The following FAM81B variants were observed in gnomAD, a reference collection of about 807,000 sequenced individuals.
FAM81B encodes family with sequence similarity 81 member B.
A neutral mutation model predicts 58.7 loss-of-function variants in FAM81B; 60 were observed. The observed-to-expected ratio is 1.02, with a 90% confidence interval of 0.83 to 1.27. The LOEUF is 1.27. Ranked by LOEUF, FAM81B falls within the 50% of genes most tolerant of loss-of-function variation. The probability of loss-of-function intolerance (pLI) is 0.00; values close to 1 mark genes in which losing one functional copy is unlikely to be tolerated. For missense variants in FAM81B, 491 were observed against 522.0 expected, an observed-to-expected ratio of 0.94 and a Z score of 0.58; for synonymous variants, 189 against 179.6, an observed-to-expected ratio of 1.05 and a Z score of -0.42.
intron 6 of FAM81B, among the ~76,000 whole-genome samples, chr5:95,430,801 A>T (rs766965979): frequency 6.6e-6 from 1 of 151,982 alleles, no homozygotes; most frequent in East Asian, 1.9e-4. Flanking sequence ...CTTTCACCTC[A>T]TTGCACACCC....
At position 95,414,028 on chromosome 5, in the gene FAM81B, AG is replaced by A; in HGVS notation, c.376del (p.Ala126LeufsTer56). ...GACTGAACAACCAGGCGCGTACCAT[AG>A]CTTTCCTTCTTGAACAAGCCTTCCG... ...DRLNNQARTI[A>X]FLLEQAFRIK... On this transcript the variant is annotated frameshift_variant, in exon 4 of 10. Coordinates refer to ENST00000283357, the MANE Select transcript of FAM81B (RefSeq NM_152548.3). LOFTEE classifies it high-confidence loss of function. The A allele has an allele frequency of 1.7e-5, 28 of 1,614,110 alleles. No individual in the cohort carries two copies. Among genetic ancestry groups the A allele is most frequent in the Non-Finnish European group, 2.4e-5 (28 of 1,180,006 alleles).
chr5:95,414,075 C>T lies in FAM81B; in HGVS notation c.422C>T (p.Ala141Val). ...TTCCGCATCAAGGAGGACATCTCTGCTTGCCTGCAGGGGACCCATGGCTTT... is the reference window on the plus strand; with the variant it reads ...TTCCGCATCAAGGAGGACATCTCTGTTTGCCTGCAGGGGACCCATGGCTTT... ...QAFRIKEDIS[A>V]CLQGTHGFRK... The change falls in exon 4 of 10, where the codon GCT becomes GTT. Residue 141 changes from alanine (A) to valine (V), a missense_variant. Physicochemically the swap from Ala to Val is moderately conservative, Grantham distance 64. Transcript: ENST00000283357. 1.2e-6 allele frequency: 2 copies of T among 1,614,110 alleles called. No individual in the cohort carries two copies. The highest frequency in any genetic ancestry group is 8.5e-7 in the Non-Finnish European group (1 of 1,180,018).
chr5:95,429,893 G>A (rs995897362), intron 6 of FAM81B, among the ~76,000 whole-genome samples: 2 of 152,104 alleles, frequency 1.3e-5, no homozygotes, highest in Non-Finnish European at 1.5e-5. Flanking sequence ...GTTTTTATCA[G>A]GATGGAATAT....
intron 2 of FAM81B, among the ~76,000 whole-genome samples, chr5:95,393,888 T>C (rs1465019956): frequency 6.6e-6 from 1 of 152,172 alleles, no homozygotes; most frequent in East Asian, 1.9e-4. Flanking sequence ...AAAATTCCCA[T>C]AGTGGCCATC....
chr5:95,405,577 C>T (rs1356780694), intron 3 of FAM81B, among the ~76,000 whole-genome samples: 1 of 152,082 alleles, frequency 6.6e-6, no homozygotes, highest in Non-Finnish European at 1.5e-5. Context: ...TAATATTTCT[C>T]TTCTGTGGGA....
chr5:95,412,391 T>G (rs1466573934), intron 3 of FAM81B, among the ~76,000 whole-genome samples: 5 of 152,218 alleles, frequency 3.3e-5, no homozygotes, highest in African/African-American at 1.2e-4. Flanking sequence ...TGTGTCTTCT[T>G]ATCTTACTAT....
rs763467946 is a variant in FAM81B at position 95,428,637 on chromosome 5, A to G, written c.691A>G (p.Ile231Val). ...AAGCATTGTGAAGCTTTCTGGAGAC[A>G]TTCACTTATTCAGGCAAGAGCACCG... Reference protein sequence around the residue: ...DSSIVKLSGDIHLFRQEHRQI... With the variant: ...DSSIVKLSGDVHLFRQEHRQI... The change falls in exon 6 of 10, where the codon ATT becomes GTT. Residue 231 changes from isoleucine to valine, a missense_variant. Ile to Val is a conservative substitution (Grantham distance 29). Coordinates refer to ENST00000283357, the MANE Select transcript of FAM81B (RefSeq NM_152548.3). 1 of 1,614,002 alleles carries G rather than the reference A, an allele frequency of 6.2e-7. No homozygotes were observed. The highest frequency in any genetic ancestry group is 1.7e-5 in the Admixed American group (1 of 60,032).
chr5:95,410,844 T>G (rs1561296346), intron 3 of FAM81B: 4 of 152,140 alleles, frequency 2.6e-5, no homozygotes, highest in Admixed American at 6.5e-5. Flanking sequence ...AAGTTACAGG[T>G]GACCTAGAGC....
intron 3 of FAM81B, 119 bp from the exon 4 acceptor site, chr5:95,413,828 A>G (rs990667543): frequency 8.2e-6 from 12 of 1,470,274 alleles, no homozygotes; most frequent in African/African-American, 2.8e-5. Context: ...TTAAAATCCT[A>G]TCAAACTTCT....
intron 7 of FAM81B, among the ~76,000 whole-genome samples, chr5:95,445,637 A>G (rs565458245): frequency 5.9e-5 from 9 of 152,074 alleles, no homozygotes; most frequent in Admixed American, 1.3e-4. Flanking sequence ...CTGTACCTCT[A>G]TTACTTCTGC....
At chr5:95,447,574 G>C (rs1745628330) in intron 8 of FAM81B, among the ~76,000 whole-genome samples, 1 of 152,180 alleles carries the variant, frequency 6.6e-6, no homozygotes, top group Non-Finnish European at 1.5e-5. Flanking sequence ...TCATTGTGCA[G>C]GCAGAAACCT....
At chr5:95,435,964 C>A (rs994710265) in intron 6 of FAM81B, among the ~76,000 whole-genome samples, 55 of 152,132 alleles carry the variant, frequency 3.6e-4, no homozygotes, top group African/African-American at 1.3e-3. Flanking sequence ...CCGTTACTCC[C>A]CTCTTTCTTT....
At chr5:95,406,810 AT>A (rs1227655891) in intron 3 of FAM81B, among the ~76,000 whole-genome samples, 2 of 151,774 alleles carry the variant, frequency 1.3e-5, no homozygotes, top group African/African-American at 4.8e-5. Flanking sequence ...TCAGCCCGGG[AT>A]TTTTTTTAAC....
In FAM81B at chr5:95,405,073, T is replaced by C. The variant is rs561446436; in HGVS notation, c.294-8874T>C. 3.3e-5 allele frequency among the ~76,000 whole-genome samples: 5 copies of C among 152,260 alleles called. No homozygotes were observed. The East Asian group carries it at 5.8e-4, about 18-fold the overall frequency. On this transcript the variant is annotated intron_variant, in intron 3 of 9. Transcript: ENST00000283357. ...GCTGTATGGAGGATGTGCTATTTGTTAGGAGGAAAAGTGGAAAAGATAATG... is the reference window on the plus strand; with the variant it reads ...GCTGTATGGAGGATGTGCTATTTGTCAGGAGGAAAAGTGGAAAAGATAATG...
In FAM81B at chr5:95,450,167, ACT is replaced by A; in HGVS notation, c.1250_1251del (p.Leu417GlnfsTer17). 1 of 1,611,758 alleles carries A rather than the reference ACT, an allele frequency of 6.2e-7. No homozygotes were observed. Among genetic ancestry groups the A allele is most frequent in the Non-Finnish European group, 8.5e-7 (1 of 1,179,242 alleles). On this transcript the variant is annotated frameshift_variant, in exon 10 of 10. Transcript: ENST00000283357. LOFTEE classifies it high-confidence loss of function. ...CTTACAGGATTTAAATCAATTCATG[ACT>A]CTCTCAGCTCCCTCCAACAAATACA...
chr5:95,410,190 C>G (rs117815032), intron 3 of FAM81B, among the ~76,000 whole-genome samples: 11 of 152,044 alleles, frequency 7.2e-5, no homozygotes, highest in South Asian at 2.1e-4. Flanking sequence ...TCTTTTCTAT[C>G]GGGAATGGGG....
chr5:95,411,477 A>G (rs1011597010), intron 3 of FAM81B, among the ~76,000 whole-genome samples: 17 of 152,198 alleles, frequency 1.1e-4, no homozygotes, highest in African/African-American at 4.1e-4. Flanking sequence ...ATAAACATAC[A>G]GGTATACTAA....
chr5:95,425,283 C>A (rs185959038), intron 5 of FAM81B, among the ~76,000 whole-genome samples: 1 of 151,538 alleles, frequency 6.6e-6, no homozygotes, highest in Non-Finnish European at 1.5e-5. Context: ...GATATAAGAA[C>A]AATGAAACCA....
intron 3 of FAM81B, among the ~76,000 whole-genome samples, chr5:95,408,470 C>T (rs1762323434): frequency 6.6e-6 from 1 of 152,224 alleles, no homozygotes; most frequent in Admixed American, 6.5e-5. Flanking sequence ...TTTGTATGGA[C>T]CCGGAAATCA....
Sources: allele counts gnomAD v4.1 joint callset (sites outside exome capture counted in the v4.1 genomes callset), GRCh38; gene constraint gnomAD v4.1.1; transcripts MANE v1.5; gene names NCBI Gene and HGNC (gene_info 2026-07-23, HGNC 2026-07-21).